BRD4: variants seen among roughly 807,000 people sequenced by gnomAD.
The protein encoded by BRD4 is bromodomain containing 4.
Under a neutral mutation model 142.1 loss-of-function variants are expected in BRD4, and 16 were observed. The observed-to-expected ratio is 0.11, with a 90% CI of 0.08 to 0.17. The LOEUF (loss-of-function observed/expected upper bound fraction) is 0.17. BRD4 is among the 10% of genes least tolerant of loss of function. The probability of loss-of-function intolerance (pLI) is 1.00; values close to 1 mark genes in which losing one functional copy is unlikely to be tolerated. For missense variants in BRD4, 1,424 were observed against 1,810.9 expected, an observed-to-expected ratio of 0.79 and a Z score of 3.88; for synonymous variants, 833 against 707.5, an observed-to-expected ratio of 1.18 and a Z score of -2.82.
intron 1 of BRD4, among the ~76,000 whole-genome samples, chr19:15,294,134 T>TAC (rs1297166561): frequency 6.6e-6 from 1 of 152,252 alleles, no homozygotes; most frequent in Non-Finnish European, 1.5e-5. Context: ...TGCTAGGACA[T>TAC]ACCATGAGTC....
At chr19:15,270,225 G>C (rs1232585638) in intron 2 of BRD4, among the ~76,000 whole-genome samples, 1 of 152,232 alleles carries the variant, frequency 6.6e-6, no homozygotes, top group Admixed American at 6.5e-5. Context: ...GGCCCTGCTC[G>C]GGATGGTAGT....
Position 15,264,668 on chromosome 19 carries a change from G to A in BRD4, c.948C>T (p.Thr316=). The A allele has an allele frequency of 1.2e-6, 2 of 1,613,702 alleles. No individual in the cohort carries two copies. Among genetic ancestry groups the A allele is most frequent in the African/African-American group, 1.3e-5 (1 of 75,038 alleles). ...PPSLPPEPKT[T]KLGQRRESSR... Reference sequence around the variant, plus strand: ...TGCTCTCCCGCCGCTGGCCCAGCTTGGTGGTCTTGGGCTCCGGGGGCAGCG... The same window carrying A: ...TGCTCTCCCGCCGCTGGCCCAGCTTAGTGGTCTTGGGCTCCGGGGGCAGCG... The change falls in exon 6 of 20, where the codon ACC becomes ACT. Residue 316 remains threonine, a synonymous_variant. Transcript: ENST00000679869.
intron 10 of BRD4, among the ~76,000 whole-genome samples, chr19:15,254,969 C>T (rs575650969): frequency 4.6e-5 from 7 of 152,270 alleles, no homozygotes; most frequent in African/African-American, 1.7e-4. Context: ...CCTGCAGACC[C>T]GCCTTTCCTC....
At chr19:15,309,658 A>C (rs1001787307) in intron 1 of BRD4, among the ~76,000 whole-genome samples, 41 of 152,202 alleles carry the variant, frequency 2.7e-4, no homozygotes, top group Admixed American at 9.2e-4. Flanking sequence ...CTAGAAACCA[A>C]AATATCCATG....
intron 11 of BRD4, chr19:15,249,253 G>A (rs78227309): frequency 9.3e-6 from 15 of 1,614,016 alleles, no homozygotes; most frequent in East Asian, 2.2e-5. Flanking sequence ...ACTGAAGACC[G>A]TTTTATTAAG....
intron 11 of BRD4, chr19:15,247,266 C>A (rs1043373056): frequency 4.3e-6 from 1 of 231,898 alleles, no homozygotes; most frequent in Non-Finnish European, 8.5e-6. Context: ...ACTGAGCGGC[C>A]GCCTCCCGCC....
intron 11 of BRD4, among the ~76,000 whole-genome samples, chr19:15,246,126 G>A (rs946670912): frequency 2.6e-5 from 4 of 152,206 alleles, no homozygotes; most frequent in African/African-American, 9.6e-5. Context: ...GGAACCTGGG[G>A]CCCCGCCTAA....
At chr19:15,257,648 C>T (rs2047426928) in intron 7 of BRD4, among the ~76,000 whole-genome samples, 2 of 152,132 alleles carry the variant, frequency 1.3e-5, no homozygotes, top group Admixed American at 1.3e-4. Flanking sequence ...GGGAATGTAC[C>T]TGCCACAAGC....
Position 15,239,359 on chromosome 19 carries a change from G to A in BRD4, c.3576+33C>T. 2 of 1,614,156 alleles carry A rather than the reference G, an allele frequency of 1.2e-6. No individual in the cohort carries two copies. Among genetic ancestry groups the A allele is most frequent in the East Asian group, 2.2e-5 (1 of 44,862 alleles). On this transcript the variant is annotated intron_variant, in intron 17 of 19. Coordinates refer to ENST00000679869, the MANE Select transcript of BRD4 (RefSeq NM_001379291.1). The surrounding 1 kb of genome is among the most constrained non-coding windows in gnomAD (Gnocchi z 7.4). ...CAGCATGGCACCTTCCAGGGCCAAG[G>A]GGCAAGCGACACCCATGGACCTCCA...
chr19:15,274,922 A>G (rs536488935), intron 1 of BRD4, among the ~76,000 whole-genome samples: 1 of 150,872 alleles, frequency 6.6e-6, no homozygotes, highest in Non-Finnish European at 1.5e-5. Flanking sequence ...GCAGTGGTGC[A>G]ATCTTGGCTC....
intron 1 of BRD4, among the ~76,000 whole-genome samples, chr19:15,291,896 C>T (rs1312142198): frequency 6.6e-6 from 1 of 152,168 alleles, no homozygotes; most frequent in Non-Finnish European, 1.5e-5. Context: ...GTATATCTTC[C>T]TGAGTCAAAC....
At chr19:15,249,875 A>G (rs1354512847) in intron 11 of BRD4, among the ~76,000 whole-genome samples, 1 of 152,120 alleles carries the variant, frequency 6.6e-6, no homozygotes, top group African/African-American at 2.4e-5. Flanking sequence ...GATCCCCCAA[A>G]CAAAAAGCTC....
chr19:15,256,115 T>C lies in BRD4; in HGVS notation c.1700A>G (p.Glu567Gly). The C allele has an allele frequency of 1.2e-6, 2 of 1,611,942 alleles. No homozygotes were observed. The highest frequency in any genetic ancestry group is 1.1e-5 in the South Asian group (1 of 90,972). Residue 567 changes from glutamate (E) to glycine (G), a missense_variant, in exon 9 of 20, where the codon GAA (glutamate) becomes GGA (glycine). Physicochemically the swap from Glu to Gly is moderately conservative, Grantham distance 98. Transcript: ENST00000679869. Reference sequence around the variant, plus strand: ...TTTCTTCGTCTTTTTAGGAGGAGGTTCCTTGGCTTTGCTTTTTTTATTCTC... The same window carrying C: ...TTTCTTCGTCTTTTTAGGAGGAGGTCCCTTGGCTTTGCTTTTTTTATTCTC... Reference protein sequence around the residue: ...VEENKKSKAKEPPPKKTKKNN... With the variant: ...VEENKKSKAKGPPPKKTKKNN...
At chr19:15,328,441 A>G (rs1247081910) in intron 1 of BRD4, among the ~76,000 whole-genome samples, 2 of 152,190 alleles carry the variant, frequency 1.3e-5, no homozygotes, top group African/African-American at 4.8e-5. Context: ...CAAACTGCTA[A>G]GTGGGAAATG....
At position 15,283,356 on chromosome 19, in the gene BRD4, C is replaced by T. The variant is rs2047718822; in HGVS notation, c.-34-10223G>A. 2.6e-5 allele frequency among the ~76,000 whole-genome samples: 4 copies of T among 152,184 alleles called. No homozygotes were observed. The South Asian group carries it at 6.2e-4, about 24-fold the overall frequency. ...GAAAATTTCTCCGGATGACATCACA[C>T]CGGTCTTCTGAAATTTTCCCATTGC... is the stretch of plus-strand genomic sequence containing the variant. On this transcript the variant is annotated intron_variant, in intron 1 of 19. Transcript: ENST00000679869.
chr19:15,288,973 TGA>T (rs1368203126), intron 1 of BRD4, among the ~76,000 whole-genome samples: 3 of 152,180 alleles, frequency 2.0e-5, no homozygotes, highest in Non-Finnish European at 4.4e-5. Context: ...CTCCTGAACA[TGA>T]GAGTTAAACA....
chr19:15,314,833 C>T (rs1371741548), intron 1 of BRD4, among the ~76,000 whole-genome samples: 26 of 152,180 alleles, frequency 1.7e-4, no homozygotes, highest in Admixed American at 1.7e-3. Flanking sequence ...GACAGCACTG[C>T]TTTGGAAATT....
chr19:15,260,798 C>CAAA (rs34986127), intron 7 of BRD4, among the ~76,000 whole-genome samples: 346 of 77,820 alleles, frequency 4.4e-3, no homozygotes, highest in African/African-American at 0.016. Flanking sequence ...GAGAAAAATG[C>CAAA]AAAAAAAAAA....
chr19:15,253,292 C>A (rs2047367341), intron 11 of BRD4: 1 of 550,214 alleles, frequency 1.8e-6, no homozygotes, highest in Non-Finnish European at 3.2e-6. Flanking sequence ...CTAGCCTCTC[C>A]CCTGCGCCAG....
Sources: allele counts gnomAD v4.1 joint callset (sites outside exome capture counted in the v4.1 genomes callset), GRCh38; gene constraint gnomAD v4.1.1; non-coding constraint Gnocchi (gnomAD v3.1); transcripts MANE v1.5; gene names NCBI Gene and HGNC (gene_info 2026-07-23, HGNC 2026-07-21).